Variants in TBL1XR1 observed in about 807,000 individuals in gnomAD.
The protein encoded by TBL1XR1 is F-box-like/WD repeat-containing protein TBL1XR1.
Under a neutral mutation model 66.9 loss-of-function variants are expected in TBL1XR1, and 5 were observed. That is an observed-to-expected ratio of 0.07 (90% CI 0.04 to 0.16). The LOEUF (loss-of-function observed/expected upper bound fraction) is 0.16, where lower values mean the gene tolerates loss of function less well. TBL1XR1 is among the 10% of genes least tolerant of loss of function. TBL1XR1 has a pLI of 1.00. For missense variants in TBL1XR1, 238 were observed against 623.2 expected, an observed-to-expected ratio of 0.38 and a Z score of 6.58; for synonymous variants, 210 against 206.0, an observed-to-expected ratio of 1.02 and a Z score of -0.17.
chr3:177,046,025 G>A, intron 10 of TBL1XR1, 104 bp downstream of exon 10: 1 of 889,388 alleles, frequency 1.1e-6, no homozygotes, highest in Non-Finnish European at 1.7e-6. Context: ...TAACAAGACT[G>A]ATACTTGATA....
At chr3:177,134,492 C>T (rs1728670177) in intron 1 of TBL1XR1, among the ~76,000 whole-genome samples, 1 of 152,196 alleles carries the variant, frequency 6.6e-6, no homozygotes, top group Middle Eastern at 3.2e-3. Context: ...TTCTATAACA[C>T]ATGCCAATTA....
rs1456227033 is a variant in TBL1XR1, at chr3:177,050,464, T to C, written c.560+14A>G. On this transcript the variant is annotated intron_variant, in intron 6 of 15. Transcript: ENST00000457928. Reference sequence around the variant, plus strand: ...TATTTTTAAGTCATTTTAGTATCACTTTGAGAAACATACCCTGATGCTAGG... The same window carrying C: ...TATTTTTAAGTCATTTTAGTATCACCTTGAGAAACATACCCTGATGCTAGG... 6.2e-7 allele frequency: 1 copy of C among 1,613,178 alleles called. No homozygotes were observed. Among genetic ancestry groups the C allele is most frequent in the African/African-American group, 1.3e-5 (1 of 75,022 alleles).
chr3:177,054,223 C>T (rs913159477), intron 3 of TBL1XR1, among the ~76,000 whole-genome samples: 3 of 152,134 alleles, frequency 2.0e-5, no homozygotes, highest in Admixed American at 1.3e-4. Flanking sequence ...TAACAAAAAG[C>T]ATCAAATGTA....
At chr3:177,198,377 A>G (rs929936738), upstream of TBL1XR1, among the ~76,000 whole-genome samples, 2 of 152,248 alleles carry the variant, frequency 1.3e-5, no homozygotes, top group Non-Finnish European at 2.9e-5. Context: ...AAATAAAATA[A>G]TGTAACTAAA....
At chr3:177,169,987 G>A (rs1733269548) in intron 1 of TBL1XR1, among the ~76,000 whole-genome samples, 1 of 152,138 alleles carries the variant, frequency 6.6e-6, no homozygotes, top group Non-Finnish European at 1.5e-5. Flanking sequence ...AAATTGGGGG[G>A]CAGGGTTGAG....
intron 1 of TBL1XR1, among the ~76,000 whole-genome samples, chr3:177,145,119 CA>C (rs1730094792): frequency 6.6e-6 from 1 of 152,150 alleles, no homozygotes; most frequent in South Asian, 2.1e-4. Context: ...TAGTGGTTAT[CA>C]AACTGGTTTG....
At chr3:177,164,257 T>A (rs947671938) in intron 1 of TBL1XR1, among the ~76,000 whole-genome samples, 1 of 152,222 alleles carries the variant, frequency 6.6e-6, no homozygotes, top group Non-Finnish European at 1.5e-5. Context: ...CAATGTTTGC[T>A]ATCCGAGTAT....
At chr3:177,196,823 G>T (rs1043929348) in intron 1 of TBL1XR1, among the ~76,000 whole-genome samples, 1 of 151,762 alleles carries the variant, frequency 6.6e-6, no homozygotes, top group African/African-American at 2.4e-5. Context: ...CATTTTCGGG[G>T]ACAACATAAT....
At chr3:177,144,776 G>GAAAAAT (rs1730052875) in intron 1 of TBL1XR1, among the ~76,000 whole-genome samples, 1 of 152,018 alleles carries the variant, frequency 6.6e-6, no homozygotes, top group Admixed American at 6.5e-5. Context: ...AAAAGAAAAA[G>GAAAAAT]AAAGCAGCCA....
intron 2 of TBL1XR1, among the ~76,000 whole-genome samples, chr3:177,084,908 A>G (rs777318308): frequency 4.1e-4 from 62 of 152,154 alleles, no homozygotes; most frequent in Non-Finnish European, 6.5e-4. Context: ...TATTTGTGGG[A>G]GGATTTGTTC....
At chr3:177,091,229 T>C (rs902535710) in intron 2 of TBL1XR1, 4 of 152,106 alleles carry the variant, frequency 2.6e-5, no homozygotes, top group African/African-American at 9.7e-5. Flanking sequence ...TCACTACTCA[T>C]ACTGGTTAAA....
At chr3:177,057,572 A>G (rs1717960984) in intron 3 of TBL1XR1, among the ~76,000 whole-genome samples, 2 of 152,218 alleles carry the variant, frequency 1.3e-5, no homozygotes. Flanking sequence ...GGAAAAATCT[A>G]AAACTTGAAC....
intron 2 of TBL1XR1, among the ~76,000 whole-genome samples, chr3:177,067,586 A>G (rs73881953): frequency 0.097 from 14,834 of 152,266 alleles, 831 homozygotes; most frequent in South Asian, 0.12. Flanking sequence ...TATTGCTGGT[A>G]TATTTTTAAG....
chr3:177,125,347 T>C (rs765867944), intron 1 of TBL1XR1, among the ~76,000 whole-genome samples: 5 of 151,892 alleles, frequency 3.3e-5, no homozygotes, highest in Admixed American at 6.6e-5. Context: ...AAAATCACAA[T>C]GAGGTGCCAT....
chr3:177,172,397 AG>A (rs1200902777), intron 1 of TBL1XR1, among the ~76,000 whole-genome samples: 4 of 152,128 alleles, frequency 2.6e-5, no homozygotes, highest in Non-Finnish European at 4.4e-5. Context: ...TCTCCTGTAA[AG>A]AAAAAAAACC....
intron 1 of TBL1XR1, among the ~76,000 whole-genome samples, chr3:177,122,291 A>T (rs1227400403): frequency 3.2e-5 from 3 of 93,866 alleles, no homozygotes; most frequent in Non-Finnish European, 7.8e-5. Context: ...AGACAGATAA[A>T]AAAAAAAAAA....
At chr3:177,063,760 A>T (rs1186133136) in intron 3 of TBL1XR1, among the ~76,000 whole-genome samples, 1 of 152,200 alleles carries the variant, frequency 6.6e-6, no homozygotes, top group Non-Finnish European at 1.5e-5. Flanking sequence ...GCTTCATTAT[A>T]AATTATTCTC....
intron 2 of TBL1XR1, among the ~76,000 whole-genome samples, chr3:177,072,333 C>G (rs1169234647): frequency 6.6e-6 from 1 of 152,132 alleles, no homozygotes; most frequent in Non-Finnish European, 1.5e-5. Flanking sequence ...TAAGATATTA[C>G]TTGCATTTTT....
At chr3:177,193,333 G>T (rs1736407176) in intron 1 of TBL1XR1, among the ~76,000 whole-genome samples, 1 of 151,802 alleles carries the variant, frequency 6.6e-6, no homozygotes, top group Non-Finnish European at 1.5e-5. Context: ...GTTTTTGAGA[G>T]GGTGTCTCCC....
Sources: allele counts gnomAD v4.1 joint callset (sites outside exome capture counted in the v4.1 genomes callset), GRCh38; gene constraint gnomAD v4.1.1; transcripts MANE v1.5; gene names NCBI Gene and HGNC (gene_info 2026-07-23, HGNC 2026-07-21).